Variants in RNF144A observed in about 807,000 individuals in gnomAD.
The protein encoded by RNF144A is ring finger protein 144A.
Under a neutral mutation model 38.7 loss-of-function variants are expected in RNF144A, and 11 were observed. The observed-to-expected ratio is 0.28, with a 90% confidence interval of 0.18 to 0.47. The LOEUF (loss-of-function observed/expected upper bound fraction) is 0.47, where lower values mean the gene tolerates loss of function less well. RNF144A is among the 20% of genes least tolerant of loss of function. RNF144A has a pLI of 0.99. For synonymous variants in RNF144A, 149 were observed against 143.9 expected (o/e 1.04, Z -0.25); for missense variants, 316 against 377.2 (o/e 0.84, Z 1.34).
At chr2:6,929,976 T>C (rs1465547091) in intron 1 of RNF144A, among the ~76,000 whole-genome samples, 1 of 152,252 alleles carries the variant, frequency 6.6e-6, no homozygotes, top group Non-Finnish European at 1.5e-5. Flanking sequence ...AATGAATTTC[T>C]AGACCTAAAC....
intron 7 of RNF144A, among the ~76,000 whole-genome samples, chr2:7,027,645 C>T (rs931306623): frequency 6.6e-6 from 1 of 152,164 alleles, no homozygotes; most frequent in Non-Finnish European, 1.5e-5. Context: ...TTTCACCAGC[C>T]CTCTCCCTGA....
At chr2:6,923,512 G>A (rs1664673388) in intron 1 of RNF144A, among the ~76,000 whole-genome samples, 1 of 152,200 alleles carries the variant, frequency 6.6e-6, no homozygotes, top group Non-Finnish European at 1.5e-5. Context: ...TGTGCCCTGG[G>A]ACGCTCTCCC....
chr2:6,992,236 C>G lies in RNF144A; in HGVS notation c.-11-4680C>G, dbSNP rs1283467005. ...TGCATCACAGTCCCTGCCAGGCTCACGGAAACAGATCACTGTGCCGCCCCA... is the reference window on the plus strand; with the variant it reads ...TGCATCACAGTCCCTGCCAGGCTCAGGGAAACAGATCACTGTGCCGCCCCA... On this transcript the variant is annotated intron_variant, in intron 2 of 8. Transcript: ENST00000320892. Among the ~76,000 whole-genome samples, 3 of 152,240 alleles carry G rather than the reference C, an allele frequency of 2.0e-5. No homozygotes were observed. The South Asian group carries it at 6.2e-4, about 31-fold the overall frequency.
chr2:6,969,558 G>A (rs1480651427), intron 2 of RNF144A, among the ~76,000 whole-genome samples: 1 of 152,178 alleles, frequency 6.6e-6, no homozygotes, highest in Non-Finnish European at 1.5e-5. Flanking sequence ...TGTGGTGTTT[G>A]TCACTGCAGC....
chr2:7,042,004 G>T lies in RNF144A; in HGVS notation c.*2244G>T. Reference sequence around the variant, plus strand: ...ACAAGCACGTAGTTCAACCCAGATAGGGACCACAGAGATTCTGGGGCCAGC... The same window carrying T: ...ACAAGCACGTAGTTCAACCCAGATATGGACCACAGAGATTCTGGGGCCAGC... On this transcript the variant is annotated 3_prime_UTR_variant, in exon 9 of 9. Transcript: ENST00000320892. The T allele has an allele frequency of 3.0e-6, 3 of 985,406 alleles. No individual in the cohort carries two copies. Among genetic ancestry groups the T allele is most frequent in the Non-Finnish European group, 3.6e-6 (3 of 829,936 alleles). The allele number at this position is 985,406 out of a possible 1,614,324, so 61.0% of individuals were successfully genotyped here. A position where few individuals can be genotyped will look rare whatever the true frequency, so the allele number is the denominator to read the frequency against.
intron 8 of RNF144A, among the ~76,000 whole-genome samples, chr2:7,033,264 G>A (rs1438653598): frequency 6.6e-6 from 1 of 152,260 alleles, no homozygotes; most frequent in Non-Finnish European, 1.5e-5. Flanking sequence ...GGCATCAGCC[G>A]GGGCAGCTCT....
downstream of RNF144A, among the ~76,000 whole-genome samples, chr2:7,046,352 C>G (rs376858718): frequency 4.6e-5 from 7 of 152,132 alleles, no homozygotes; most frequent in African/African-American, 1.7e-4. Context: ...CGAATGGGGC[C>G]CAGAGCAGCA....
At chr2:7,071,231 T>G (rs993112772), downstream of RNF144A, among the ~76,000 whole-genome samples, 1 of 152,180 alleles carries the variant, frequency 6.6e-6, no homozygotes, top group Admixed American at 6.5e-5. Context: ...CCACCGTGCC[T>G]GGCCTTTGCT....
rs1285572104 is a variant in RNF144A, at chr2:6,936,334, TAC to T, written c.-211-4608_-211-4607del. On this transcript the variant is annotated intron_variant, in intron 1 of 8. Transcript: ENST00000320892. ...ACCCACACACATATAGATACATATG[TAC>T]ACACATGTGCACACATAGATGCATA... 2.0e-5 allele frequency among the ~76,000 whole-genome samples: 3 copies of T among 152,206 alleles called. No homozygotes were observed. The East Asian group carries it at 5.8e-4, about 29-fold the overall frequency.
At chr2:6,918,758 C>T (rs1199754745) in intron 1 of RNF144A, 6 of 47,614 alleles carry the variant, frequency 1.3e-4, no homozygotes, top group Non-Finnish European at 2.2e-4. Context: ...AACGAGACTC[C>T]GTCTCAAAAA....
At chr2:7,044,511 C>T (rs1025797474), downstream of RNF144A, among the ~76,000 whole-genome samples, 2 of 152,176 alleles carry the variant, frequency 1.3e-5, no homozygotes, top group African/African-American at 4.8e-5. Context: ...AGCATCTCAT[C>T]CCCACTCAGG....
At chr2:7,044,782 A>G (rs1361119903), downstream of RNF144A, among the ~76,000 whole-genome samples, 2 of 152,204 alleles carry the variant, frequency 1.3e-5, no homozygotes, top group African/African-American at 4.8e-5. Flanking sequence ...TGGAATAGGC[A>G]ACTGGTTCCT....
At chr2:6,968,147 G>T (rs1477025864) in intron 2 of RNF144A, among the ~76,000 whole-genome samples, 1 of 152,188 alleles carries the variant, frequency 6.6e-6, no homozygotes, top group Non-Finnish European at 1.5e-5. Flanking sequence ...AAACAGCCCA[G>T]TGTGGGCAGC....
intron 2 of RNF144A, among the ~76,000 whole-genome samples, chr2:6,980,052 A>C (rs1175421469): frequency 6.6e-6 from 1 of 152,186 alleles, no homozygotes; most frequent in African/African-American, 2.4e-5. Context: ...TCATGAGAAC[A>C]TCTCAATATC....
chr2:7,050,282 T>G (rs575874444), intron 6 of RNF144A, among the ~76,000 whole-genome samples: 3 of 152,144 alleles, frequency 2.0e-5, no homozygotes, highest in Non-Finnish European at 2.9e-5. Context: ...TCTCAGGAGA[T>G]CTTATGGTTT....
intron 5 of RNF144A, 80 bp downstream of exon 5, chr2:7,014,852 G>C (rs1368540410): frequency 9.8e-7 from 1 of 1,021,146 alleles, no homozygotes; most frequent in East Asian, 2.4e-5. Context: ...TCTTTTGGTA[G>C]ATATGGTTAT....
chr2:7,020,664 C>T lies in RNF144A; in HGVS notation c.493C>T (p.Leu165Phe). ...CCCGGAGACCATGCCGATCACCTTCCTCCCCGGGGAGACCAGGTACCCTTT... is the reference window on the plus strand; with the variant it reads ...CCCGGAGACCATGCCGATCACCTTCTTCCCCGGGGAGACCAGGTACCCTTT... ...GCPETMPITFLPGETSAAFKM... is the reference protein window; with the variant it reads ...GCPETMPITFFPGETSAAFKM... The change falls in exon 6 of 9, where the codon CTC (leucine) becomes TTC (phenylalanine). Residue 165 changes from leucine (L) to phenylalanine (F), a missense_variant. Coordinates refer to ENST00000320892, the MANE Select transcript of RNF144A (RefSeq NM_014746.6). 6.2e-7 allele frequency: 1 copy of T among 1,604,078 alleles called. No individual in the cohort carries two copies. The highest frequency in any genetic ancestry group is 8.5e-7 in the Non-Finnish European group (1 of 1,179,936).
At chr2:7,033,335 C>T (rs538792746) in intron 8 of RNF144A, among the ~76,000 whole-genome samples, 1 of 152,386 alleles carries the variant, frequency 6.6e-6, no homozygotes, top group East Asian at 1.9e-4. Context: ...GATCTGGCTG[C>T]TGGCTTGGGC....
chr2:7,054,279 T>C (rs533720762), intron 6 of RNF144A, among the ~76,000 whole-genome samples: 1 of 152,336 alleles, frequency 6.6e-6, no homozygotes, highest in Admixed American at 6.5e-5. Flanking sequence ...AAGTGTTCTT[T>C]CAGCCATCAC....
Sources: allele counts gnomAD v4.1 joint callset (sites outside exome capture counted in the v4.1 genomes callset), GRCh38; gene constraint gnomAD v4.1.1; transcripts MANE v1.5; gene names NCBI Gene and HGNC (gene_info 2026-07-23, HGNC 2026-07-21).